OPN1SW: variants seen among roughly 807,000 people sequenced by gnomAD.
OPN1SW encodes the protein short-wave-sensitive opsin 1.
In OPN1SW, 25 loss-of-function variants were observed where a neutral mutation model predicts 31.9. The observed-to-expected ratio is 0.78, with a 90% CI of 0.57 to 1.09. The LOEUF (loss-of-function observed/expected upper bound fraction) is 1.09. Ranked by LOEUF, OPN1SW falls within the 50% of genes least tolerant of loss-of-function variation. The pLI, the probability that OPN1SW is intolerant of heterozygous loss-of-function variation, is 0.00. For missense variants in OPN1SW, 424 were observed against 448.0 expected, an observed-to-expected ratio of 0.95 and a Z score of 0.48; for synonymous variants, 190 against 171.9, an observed-to-expected ratio of 1.11 and a Z score of -0.82.
intron 4 of OPN1SW, 131 bp from the exon 5 acceptor site, chr7:128,772,790 C>CT (rs575492398): frequency 8.5e-7 from 1 of 1,182,904 alleles, no homozygotes; most frequent in Non-Finnish European, 1.2e-6. Flanking sequence ...GGTTTTGAAT[C>CT]TATCTTCCCC....
At chr7:128,774,449 CAT>C in intron 3 of OPN1SW, 47 bp downstream of exon 3, 1 of 1,608,972 alleles carries the variant, frequency 6.2e-7, no homozygotes, top group South Asian at 1.1e-5. Context: ...TCTTCCTTCT[CAT>C]GTGGAGCCCC....
Position 128,774,516 on chromosome 7 carries a change from C to CA in OPN1SW, c.659dup (p.Leu221AlafsTer21). 6 of 1,613,976 alleles carry CA rather than the reference C, an allele frequency of 3.7e-6. No homozygotes were observed. Among genetic ancestry groups the CA allele is most frequent in the Non-Finnish European group, 5.1e-6 (6 of 1,180,038 alleles). ...CACTCACAGCTTTCAGGGCCCTCAG[C>CA]AGCTGAGTGTAGGAGAAGCAGATGA... On this transcript the variant is annotated frameshift_variant, in exon 3 of 5. Coordinates refer to ENST00000249389, the MANE Select transcript of OPN1SW (RefSeq NM_001385125.1). LOFTEE classifies it high-confidence loss of function.
Position 128,773,862 on chromosome 7 carries a change from A to T in OPN1SW, c.705T>A (p.Ala235=). ...KAVAAQQQES[A]TTQKAEREVS... ...CCTCCCGTTCAGCCTTCTGGGTCGT[A>T]GCTGACTCCTGCTGCTGAGCTGCAA... Residue 235 remains alanine (A), a synonymous_variant, in exon 4 of 5, where the codon GCT becomes GCA. Coordinates refer to ENST00000249389, the MANE Select transcript of OPN1SW (RefSeq NM_001385125.1). 1 of 1,612,074 alleles carries T rather than the reference A, an allele frequency of 6.2e-7. No homozygotes were observed. Among genetic ancestry groups the T allele is most frequent in the African/African-American group, 1.3e-5 (1 of 74,712 alleles).
chr7:128,772,744 C>A, intron 4 of OPN1SW, 85 bp from the exon 5 acceptor site: 1 of 1,558,582 alleles, frequency 6.4e-7, no homozygotes, highest in Non-Finnish European at 8.8e-7. Context: ...TCACCAAAGC[C>A]TTGCACAATG....
intron 3 of OPN1SW, 72 bp downstream of exon 3, chr7:128,774,426 T>C (rs1801710190): frequency 2.5e-6 from 4 of 1,585,592 alleles, no homozygotes; most frequent in Middle Eastern, 1.7e-4. Flanking sequence ...AGGCATCTTA[T>C]GTTTCAGAGC....
chr7:128,772,784 T>G (rs1801641120), intron 4 of OPN1SW, 125 bp from the exon 5 acceptor site: 2 of 1,283,120 alleles, frequency 1.6e-6, no homozygotes, highest in Non-Finnish European at 2.2e-6. Flanking sequence ...TTAGGTGGTT[T>G]TGAATCTATC....
chr7:128,774,012 A>G, intron 3 of OPN1SW, 124 bp from the exon 4 acceptor site: 1 of 1,310,822 alleles, frequency 7.6e-7, no homozygotes. Flanking sequence ...TCTGTTGCCC[A>G]GGCTGGAGTT....
rs1585028662 is a variant in OPN1SW, at chr7:128,774,658, A to G, written c.518T>C (p.Ile173Thr). 4 of 1,614,104 alleles carry G rather than the reference A, an allele frequency of 2.5e-6. No homozygotes were observed. The highest frequency in any genetic ancestry group is 3.4e-6 in the Non-Finnish European group (4 of 1,180,026). Residue 173 changes from isoleucine (I) to threonine (T), a missense_variant, in exon 3 of 5, where the codon ATC becomes ACC. Coordinates refer to ENST00000249389, the MANE Select transcript of OPN1SW (RefSeq NM_001385125.1). ...IPPFFGWSRF[I>T]PEGLQCSCGP... is the part of the protein sequence containing the mutation. ...ACAGGAACACTGCAGGCCCTCAGGG[A>G]TGAACCTGCAAAGGACCAAACACTT...
Position 128,775,009 on chromosome 7 carries a change from G to A in OPN1SW, c.489C>T (p.Ile163=). ...ATWTIGIGVS[I]PPFFGWSRFI... is the part of the protein sequence containing the mutation. ...ACCGGCTCCAGCCAAAGAAGGGTGG[G>A]ATGGAGACGCCAATACCAATGGTCC... is the stretch of plus-strand genomic sequence containing the variant. Residue 163 remains isoleucine, a synonymous_variant, in exon 2 of 5, where the codon ATC becomes ATT. Transcript: ENST00000249389. The A allele has an allele frequency of 6.2e-7, 1 of 1,614,180 alleles. No homozygotes were observed. The highest frequency in any genetic ancestry group is 8.5e-7 in the Non-Finnish European group (1 of 1,180,050).
At position 128,775,557 on chromosome 7, in the gene OPN1SW, G is replaced by A. The variant is rs141770175; in HGVS notation, c.225C>T (p.Phe75=). ...PLNYILVNVS[F]GGFLLCIFSV... The stretch of plus-strand genomic sequence containing the variant: ...AGAAGATGCAGAGGAGGAAGCCTCC[G>A]AAGGACACGTTGACCAGAATGTAGT... The change falls in exon 1 of 5, where the codon TTC becomes TTT. Residue 75 remains phenylalanine (F), a synonymous_variant. Coordinates refer to ENST00000249389, the MANE Select transcript of OPN1SW (RefSeq NM_001385125.1). 1.6e-4 allele frequency: 266 copies of A among 1,614,122 alleles called. No homozygotes were observed. The Middle Eastern group carries it at 3.6e-3, about 22-fold the overall frequency.
chr7:128,775,297 G>T, intron 1 of OPN1SW, 142 bp downstream of exon 1: 1 of 1,276,552 alleles, frequency 7.8e-7, no homozygotes, highest in Non-Finnish European at 1.1e-6. Flanking sequence ...TCCTATTTTA[G>T]CCAAACTTCT....
chr7:128,775,056 G>C lies in OPN1SW; in HGVS notation c.442C>G (p.Leu148Val). The change falls in exon 2 of 5, where the codon CTG (leucine) becomes GTG (valine). Residue 148 changes from leucine (L) to valine (V), a missense_variant. Coordinates refer to ENST00000249389, the MANE Select transcript of OPN1SW (RefSeq NM_001385125.1). The part of the protein sequence containing the change: ...GNFRFSSKHA[L>V]TVVLATWTIG... ...GTCCAGGTAGCCAGGACCACCGTCA[G>C]TGCATGCTTGGAGCTGAAGCGGAAG... 1.2e-6 allele frequency: 2 copies of C among 1,614,230 alleles called. No homozygotes were observed. Among genetic ancestry groups the C allele is most frequent in the Non-Finnish European group, 1.7e-6 (2 of 1,180,040 alleles).
intron 2 of OPN1SW, 73 bp downstream of exon 2, chr7:128,774,913 T>C (rs939900726): frequency 1.8e-5 from 28 of 1,588,396 alleles, no homozygotes; most frequent in East Asian, 8.9e-5. Flanking sequence ...TAAATAGTTA[T>C]ACCCAAGCTC....
rs768216743 is a variant in OPN1SW at position 128,772,669 on chromosome 7, A to G, written c.919-10T>C. 6.2e-7 allele frequency: 1 copy of G among 1,614,084 alleles called. No homozygotes were observed. Among genetic ancestry groups the G allele is most frequent in the Admixed American group, 1.7e-5 (1 of 60,016 alleles). ...TGATGCAAGCTTGGAACTGGAGAGAAAGGTACAATTGGAGATAACCTTGGC... is the reference window on the plus strand; with the variant it reads ...TGATGCAAGCTTGGAACTGGAGAGAGAGGTACAATTGGAGATAACCTTGGC... On this transcript the variant is annotated splice_polypyrimidine_tract_variant and intron_variant, in intron 4 of 4. Coordinates refer to ENST00000249389, the MANE Select transcript of OPN1SW (RefSeq NM_001385125.1).
rs374115317 is a variant in OPN1SW at position 128,774,591 on chromosome 7, C to T, written c.585G>A (p.Glu195=). The T allele has an allele frequency of 1.9e-6, 3 of 1,614,022 alleles. No individual in the cohort carries two copies. Among genetic ancestry groups the T allele is most frequent in the Non-Finnish European group, 2.5e-6 (3 of 1,180,038 alleles). ...WYTVGTKYRS[E]SYTWFLFIFC... is the part of the protein sequence containing the mutation. ...AGATGAAGAGGAACCACGTATAGGA[C>T]TCGCTGCGGTATTTGGTGCCCACGG... The change falls in exon 3 of 5, where the codon GAG becomes GAA. Residue 195 remains glutamate (E), a synonymous_variant. Transcript: ENST00000249389.
rs761659836 is a variant in OPN1SW at position 128,775,483 on chromosome 7, C to G, written c.299G>C (p.Gly100Ala). 6.2e-7 allele frequency: 1 copy of G among 1,613,888 alleles called. No individual in the cohort carries two copies. The highest frequency in any genetic ancestry group is 8.5e-7 in the Non-Finnish European group (1 of 1,179,848). The change falls in exon 1 of 5, where the codon GGT (glycine) becomes GCT (alanine). Residue 100 changes from glycine to alanine, a missense_variant. Gly to Ala is a moderately conservative substitution (Grantham distance 60). Coordinates refer to ENST00000249389, the MANE Select transcript of OPN1SW (RefSeq NM_001385125.1). The part of the protein sequence containing the change: ...VASCNGYFVF[G>A]RHVCALEGFL... ...GCCCTCCAAAGCACAAACATGGCGACCGAAGACGAAGTATCCGTTACAGCT... is the reference window on the plus strand; with the variant it reads ...GCCCTCCAAAGCACAAACATGGCGAGCGAAGACGAAGTATCCGTTACAGCT...
intron 3 of OPN1SW, 92 bp downstream of exon 3, chr7:128,774,406 G>A: frequency 6.6e-7 from 1 of 1,519,638 alleles, no homozygotes; most frequent in Non-Finnish European, 9.0e-7. Context: ...CTCTGGCTAT[G>A]GACATTTCCA....
chr7:128,774,538 A>T lies in OPN1SW; in HGVS notation c.638T>A (p.Ile213Asn). 6.2e-7 allele frequency: 1 copy of T among 1,614,068 alleles called. No individual in the cohort carries two copies. The highest frequency in any genetic ancestry group is 8.5e-7 in the Non-Finnish European group (1 of 1,180,028). ...CAGCAGCTGAGTGTAGGAGAAGCAG[A>T]TGAGGGAGAGAGGCACAATGAAGCA... ...IFCFIVPLSL[I>N]CFSYTQLLRA... The change falls in exon 3 of 5, where the codon ATC (isoleucine) becomes AAC (asparagine). Residue 213 changes from isoleucine (I) to asparagine (N), a missense_variant. Transcript: ENST00000249389.
At chr7:128,773,265 C>CT (rs1801666929) in intron 4 of OPN1SW, among the ~76,000 whole-genome samples, 1 of 152,180 alleles carries the variant, frequency 6.6e-6, no homozygotes, top group Non-Finnish European at 1.5e-5. Context: ...TGAGAGGAAT[C>CT]TGAGTTTTTA....
Sources: allele counts gnomAD v4.1 joint callset (sites outside exome capture counted in the v4.1 genomes callset), GRCh38; gene constraint gnomAD v4.1.1; transcripts MANE v1.5; gene names NCBI Gene and HGNC (gene_info 2026-07-23, HGNC 2026-07-21).